KLHDC10: variants seen among roughly 807,000 people sequenced by gnomAD.
KLHDC10 encodes the protein kelch domain containing 10.
A neutral mutation model predicts 56.1 loss-of-function variants in KLHDC10; 24 were observed. That is an observed-to-expected ratio of 0.43 (90% confidence interval 0.31 to 0.60). The LOEUF (loss-of-function observed/expected upper bound fraction) is 0.60. Ranked by LOEUF, KLHDC10 falls within the 20% of genes least tolerant of loss-of-function variation. KLHDC10 has a pLI of 0.11. For synonymous variants in KLHDC10, 188 were observed against 207.1 expected (o/e 0.91, Z 0.79); for missense variants, 349 against 567.0 (o/e 0.62, Z 3.91).
At chr7:130,083,424 A>G (rs1399774468) in intron 1 of KLHDC10, among the ~76,000 whole-genome samples, 1 of 152,126 alleles carries the variant, frequency 6.6e-6, no homozygotes, top group African/African-American at 2.4e-5. Context: ...ATACAGAAGT[A>G]TTTTCAGTTA....
intron 3 of KLHDC10, among the ~76,000 whole-genome samples, chr7:130,119,537 TAAAAA>T (rs11317882): frequency 1.0e-4 from 10 of 100,386 alleles, no homozygotes; most frequent in African/African-American, 2.7e-4. Context: ...AAAAAAGAGT[TAAAAA>T]AAAAAAAAAA....
intron 2 of KLHDC10, among the ~76,000 whole-genome samples, chr7:130,111,278 A>G (rs1366240523): frequency 6.6e-6 from 1 of 152,244 alleles, no homozygotes; most frequent in Non-Finnish European, 1.5e-5. Context: ...TCATTTTATA[A>G]TAATGCAGAG....
chr7:130,092,056 T>G (rs991852082), intron 1 of KLHDC10, among the ~76,000 whole-genome samples: 6 of 152,220 alleles, frequency 3.9e-5, no homozygotes, highest in African/African-American at 9.6e-5. Context: ...CTTGTCACCC[T>G]TGTCAAAAAA....
chr7:130,086,404 A>C (rs1795690431), intron 1 of KLHDC10, among the ~76,000 whole-genome samples: 1 of 152,212 alleles, frequency 6.6e-6, no homozygotes, highest in African/African-American at 2.4e-5. Flanking sequence ...AAAACATTAC[A>C]TAAACTTGGT....
Position 130,122,989 on chromosome 7 carries a change from G to A in KLHDC10, c.779+787G>A, listed in dbSNP as rs1324237310. Among the ~76,000 whole-genome samples the A allele has an allele frequency of 4.0e-5, 6 of 151,642 alleles. No individual in the cohort carries two copies. The South Asian group carries it at 1.2e-3, about 32-fold the overall frequency. ...TAGATGGAAGGAAGCTTGCATGGAT[G>A]GATGGGTGATGAATGATAGATGGAT... is the stretch of plus-strand genomic sequence containing the variant. On this transcript the variant is annotated intron_variant, in intron 5 of 9. Coordinates refer to ENST00000335420, the MANE Select transcript of KLHDC10 (RefSeq NM_014997.4).
At chr7:130,119,843 T>TAAAAA (rs72549928) in intron 3 of KLHDC10, among the ~76,000 whole-genome samples, 1 of 76,962 alleles carries the variant, frequency 1.3e-5, no homozygotes, top group African/African-American at 5.0e-5. Context: ...GACTCCGTCT[T>TAAAAA]AAAAAAAAAA....
At chr7:130,092,521 T>G (rs1200907291) in intron 1 of KLHDC10, among the ~76,000 whole-genome samples, 1 of 152,200 alleles carries the variant, frequency 6.6e-6, no homozygotes, top group Non-Finnish European at 1.5e-5. Flanking sequence ...AGCAATGAGA[T>G]GAAGTGTACT....
At chr7:130,123,237 G>A (rs890442848) in intron 5 of KLHDC10, among the ~76,000 whole-genome samples, 3 of 152,124 alleles carry the variant, frequency 2.0e-5, no homozygotes, top group African/African-American at 2.4e-5. Context: ...GGGAGGCTGA[G>A]GCAGGCGGAT....
chr7:130,086,146 C>A (rs1795687274), intron 1 of KLHDC10, among the ~76,000 whole-genome samples: 1 of 152,106 alleles, frequency 6.6e-6, no homozygotes, highest in Non-Finnish European at 1.5e-5. Context: ...CAGTCCTTGT[C>A]TTCCTCCTAC....
chr7:130,128,919 T>TATATATATATATATATATATACACAC (rs1292651924), intron 8 of KLHDC10, among the ~76,000 whole-genome samples: 4 of 115,708 alleles, frequency 3.5e-5, no homozygotes, highest in African/African-American at 1.4e-4. Context: ...TATATATATA[T>TATATATATATATATATATATACACAC]ACATACTAGC....
At chr7:130,071,809 A>C (rs747370031) in intron 1 of KLHDC10, among the ~76,000 whole-genome samples, 1 of 152,224 alleles carries the variant, frequency 6.6e-6, no homozygotes. Context: ...AGTTTTGAGA[A>C]CATGATGAAT....
intron 1 of KLHDC10, among the ~76,000 whole-genome samples, chr7:130,090,995 T>C (rs911343401): frequency 6.6e-5 from 10 of 152,100 alleles, no homozygotes; most frequent in African/African-American, 1.9e-4. Context: ...AATCATACAG[T>C]ATGTAACCTT....
intron 2 of KLHDC10, among the ~76,000 whole-genome samples, chr7:130,099,300 C>T (rs936049658): frequency 6.6e-6 from 1 of 151,992 alleles, no homozygotes; most frequent in African/African-American, 2.4e-5. Context: ...TTCGTTCGTT[C>T]ATTCTTTCAT....
chr7:130,099,154 G>A (rs1795895749), intron 2 of KLHDC10, among the ~76,000 whole-genome samples: 1 of 152,024 alleles, frequency 6.6e-6, no homozygotes, highest in African/African-American at 2.4e-5. Context: ...CTACCTCTTT[G>A]ATTGTTCATT....
At position 130,071,959 on chromosome 7, in the gene KLHDC10, G is replaced by C. The variant is rs141838194; in HGVS notation, c.166+1150G>C. ...ATGTTCGTGATGAGGTTGTTGATGT[G>C]TGCTAGAAATGTACATTACCCCATT... On this transcript the variant is annotated intron_variant, in intron 1 of 9. Coordinates refer to ENST00000335420, the MANE Select transcript of KLHDC10 (RefSeq NM_014997.4). Among the ~76,000 whole-genome samples, 431 of 152,204 alleles carry C rather than the reference G, an allele frequency of 2.8e-3. 3 individuals are homozygous for C. Among genetic ancestry groups the C allele is most frequent in the African/African-American group, 9.4e-3 (392 of 41,536 alleles).
In KLHDC10 at chr7:130,130,662, G is replaced by A. The variant is rs1346370552; in HGVS notation, c.1245G>A (p.Ala415=). Residue 415 remains alanine (A), a synonymous_variant, in exon 10 of 10, where the codon GCG becomes GCA. Coordinates refer to ENST00000335420, the MANE Select transcript of KLHDC10 (RefSeq NM_014997.4). The surrounding 1 kb of genome is among the most constrained non-coding windows in gnomAD (Gnocchi z 4.2). ...AACTGGCATGGGAGAAGCTGCTTGC[G>A]GCCTTCCCTAACCTTGCAAACCTCT... ...LLELAWEKLL[A]AFPNLANLSR... 9 of 1,613,950 alleles carry A rather than the reference G, an allele frequency of 5.6e-6. No homozygotes were observed. The highest frequency in any genetic ancestry group is 2.2e-5 in the South Asian group (2 of 91,080).
intron 1 of KLHDC10, among the ~76,000 whole-genome samples, chr7:130,096,019 T>C (rs1795843365): frequency 6.6e-6 from 1 of 152,178 alleles, no homozygotes; most frequent in Non-Finnish European, 1.5e-5. Flanking sequence ...GCAGGAATCA[T>C]GTCCTTGTTT....
At chr7:130,082,291 T>C (rs1263247536) in intron 1 of KLHDC10, among the ~76,000 whole-genome samples, 1 of 152,186 alleles carries the variant, frequency 6.6e-6, no homozygotes, top group Non-Finnish European at 1.5e-5. Context: ...GCCACTGCAC[T>C]CTAGCCTGGG....
Position 130,130,091 on chromosome 7 carries a change from C to G in KLHDC10, c.1120-446C>G, listed in dbSNP as rs143908621. ...CAGCACTTTGGGAGGCCAAGGTGGGCGGATCACGAGGTCAGGAGATTGAGA... is the reference window on the plus strand; with the variant it reads ...CAGCACTTTGGGAGGCCAAGGTGGGGGGATCACGAGGTCAGGAGATTGAGA... On this transcript the variant is annotated intron_variant, in intron 9 of 9. Transcript: ENST00000335420. The surrounding 1 kb of genome is among the most constrained non-coding windows in gnomAD (Gnocchi z 4.2). Among the ~76,000 whole-genome samples the G allele has an allele frequency of 2.0e-5, 3 of 151,734 alleles. No individual in the cohort carries two copies. Among genetic ancestry groups the G allele is most frequent in the Non-Finnish European group, 4.4e-5 (3 of 67,956 alleles).
Sources: gnomAD v4.1 joint callset for allele counts (sites outside exome capture counted in the v4.1 genomes callset) on GRCh38, gnomAD v4.1.1 for gene constraint, Gnocchi (gnomAD v3.1) non-coding constraint, MANE v1.5 for transcripts, NCBI Gene and HGNC (gene_info 2026-07-23, HGNC 2026-07-21) for gene names.